Variants in ZC3H12B observed in about 807,000 individuals in gnomAD.
ZC3H12B encodes probable ribonuclease ZC3H12B.
A neutral mutation model predicts 43.9 loss-of-function variants in ZC3H12B; 7 were observed. The observed-to-expected ratio is 0.16, with a 90% CI of 0.09 to 0.30. ZC3H12B has a LOEUF of 0.30. Ranked by LOEUF, ZC3H12B falls within the 10% of genes least tolerant of loss-of-function variation. The probability of loss-of-function intolerance (pLI) is 1.00; values close to 1 mark genes in which losing one functional copy is unlikely to be tolerated. For synonymous variants in ZC3H12B, 222 were observed against 241.7 expected (o/e 0.92, Z 0.76); for missense variants, 475 against 670.2 (o/e 0.71, Z 3.22).
the ZC3H12B span, among the ~76,000 whole-genome samples, chrX:65,106,007 ATTT>A: frequency 2.7e-5 from 3 of 111,902 alleles, no homozygotes; most frequent in Non-Finnish European, 3.8e-5. Flanking sequence ...ATTCTGTTTT[ATTT>A]TTTAAAACAA....
At chrX:65,280,416 C>G in the ZC3H12B span, among the ~76,000 whole-genome samples, 1 of 111,794 alleles carries the variant, frequency 8.9e-6, no homozygotes, top group Non-Finnish European at 1.9e-5. Context: ...AGATTATAAA[C>G]GACAAACCCA....
At chrX:65,094,721 A>T in the ZC3H12B span, among the ~76,000 whole-genome samples, 1 of 112,329 alleles carries the variant, frequency 8.9e-6, no homozygotes. Flanking sequence ...AATGTCCTTG[A>T]TGAAACAATT....
At chrX:65,160,091 C>T in the ZC3H12B span, among the ~76,000 whole-genome samples, 1 of 111,810 alleles carries the variant, frequency 8.9e-6, no homozygotes, top group Non-Finnish European at 1.9e-5. Context: ...ATTGAACCAG[C>T]CTTGCATCCC....
the ZC3H12B span, among the ~76,000 whole-genome samples, chrX:65,255,354 C>A: frequency 8.9e-6 from 1 of 111,824 alleles, no homozygotes; most frequent in Non-Finnish European, 1.9e-5. Context: ...ACCAGTGGAA[C>A]CTTCAATAAA....
chrX:65,135,346 GGTT>G, the ZC3H12B span, among the ~76,000 whole-genome samples: 9 of 108,622 alleles, frequency 8.3e-5, no homozygotes, highest in Non-Finnish European at 1.1e-4. Flanking sequence ...TTTGTTACTA[GGTT>G]GTTGTTTTTT....
intron 3 of ZC3H12B, among the ~76,000 whole-genome samples, chrX:65,410,529 C>T (rs972223857): frequency 1.8e-5 from 2 of 111,649 alleles, no homozygotes; most frequent in African/African-American, 3.3e-5. Flanking sequence ...GAAGAGACAA[C>T]CCACAGAATG....
chrX:65,399,266 G>A lies in ZC3H12B; in HGVS notation n.407+562G>A, dbSNP rs139160437. Among the ~76,000 whole-genome samples the A allele has an allele frequency of 1.3e-4, 15 of 112,298 alleles. No homozygotes were observed. In the East Asian group the frequency reaches 4.2e-3, roughly 31 times the overall value. ...ACCTACAGAATTAGAGAAAATATTT[G>A]CAAACTATTCATATGACAATGGATT... is the stretch of plus-strand genomic sequence containing the variant. On this transcript the variant is annotated intron_variant and non_coding_transcript_variant, in intron 3 of 5. Transcript: ENST00000617377.
the ZC3H12B span, among the ~76,000 whole-genome samples, chrX:65,113,425 G>C: frequency 9.0e-6 from 1 of 111,031 alleles, no homozygotes; most frequent in Non-Finnish European, 1.9e-5. Context: ...CAGGCAAGGT[G>C]TGTGGGCTCA....
At chrX:65,111,675 C>G in the ZC3H12B span, among the ~76,000 whole-genome samples, 2 of 110,030 alleles carry the variant, frequency 1.8e-5, no homozygotes, top group Non-Finnish European at 3.8e-5. Flanking sequence ...CAACCTTTTT[C>G]ATTGTCATTA....
chrX:65,331,682 C>A, the ZC3H12B span, among the ~76,000 whole-genome samples: 1 of 110,557 alleles, frequency 9.0e-6, no homozygotes, highest in African/African-American at 3.3e-5. Context: ...AGCTGTTCAA[C>A]TGAAGATATT....
the ZC3H12B span, among the ~76,000 whole-genome samples, chrX:65,062,266 T>C: frequency 3.6e-5 from 4 of 112,455 alleles, no homozygotes; most frequent in African/African-American, 1.3e-4. Context: ...TTGCCTAGGC[T>C]TTCTTCTAGG....
chrX:65,056,518 T>C, the ZC3H12B span, among the ~76,000 whole-genome samples: 18 of 111,806 alleles, frequency 1.6e-4, no homozygotes, highest in Non-Finnish European at 2.8e-4. Flanking sequence ...AACTATGTGG[T>C]CAATTTTGGA....
the ZC3H12B span, among the ~76,000 whole-genome samples, chrX:65,060,710 CT>C: frequency 8.9e-6 from 1 of 111,962 alleles, no homozygotes; most frequent in African/African-American, 3.2e-5. Flanking sequence ...CAATACTGGA[CT>C]CATAAAGAAG....
At chrX:65,232,946 A>G in the ZC3H12B span, among the ~76,000 whole-genome samples, 1 of 112,057 alleles carries the variant, frequency 8.9e-6, no homozygotes, top group African/African-American at 3.2e-5. Flanking sequence ...GAGCAGCTAT[A>G]CTTACATCAG....
chrX:65,158,739 G>A, the ZC3H12B span, among the ~76,000 whole-genome samples: 2 of 111,583 alleles, frequency 1.8e-5, no homozygotes, highest in Admixed American at 9.6e-5. Context: ...TCACTCTGAT[G>A]GTAGTTTCTT....
At chrX:65,105,700 A>C in the ZC3H12B span, among the ~76,000 whole-genome samples, 2 of 111,739 alleles carry the variant, frequency 1.8e-5, no homozygotes, top group African/African-American at 6.5e-5. Flanking sequence ...CTTGGAGCCT[A>C]CTTCAAAGCT....
chrX:65,416,384 G>A (rs1052832275), intron 3 of ZC3H12B, among the ~76,000 whole-genome samples: 1 of 111,162 alleles, frequency 9.0e-6, no homozygotes, highest in African/African-American at 3.3e-5. Context: ...CTATAGACAT[G>A]GAAACCCAGA....
the ZC3H12B span, among the ~76,000 whole-genome samples, chrX:65,349,727 C>T: frequency 8.9e-6 from 1 of 111,846 alleles, no homozygotes; most frequent in Non-Finnish European, 1.9e-5. Flanking sequence ...CTATAAACAC[C>T]TCTATGCAAA....
chrX:65,059,678 T>A, the ZC3H12B span, among the ~76,000 whole-genome samples: 4 of 111,848 alleles, frequency 3.6e-5, no homozygotes, highest in African/African-American at 1.3e-4. Flanking sequence ...AATTTTCTGA[T>A]TTTTACATAA....
Sources: allele counts gnomAD v4.1 joint callset (sites outside exome capture counted in the v4.1 genomes callset), GRCh38; gene constraint gnomAD v4.1.1; transcripts MANE v1.5; gene names NCBI Gene and HGNC (gene_info 2026-07-23, HGNC 2026-07-21).